The following TENM2 variants were observed in gnomAD, a reference collection of about 807,000 sequenced individuals.
The protein encoded by TENM2 is teneurin-2.
Under a neutral mutation model 245.2 loss-of-function variants are expected in TENM2, and 52 were observed. The observed-to-expected ratio is 0.21, with a 90% confidence interval of 0.17 to 0.27. The LOEUF (loss-of-function observed/expected upper bound fraction) is 0.27. Among genes scored for constraint, TENM2 ranks in the 10% least tolerant of loss-of-function variants. The pLI is 1.00. For synonymous variants in TENM2, 1,363 were observed against 1,438.9 expected, an observed-to-expected ratio of 0.95 and a Z score of 1.19; for missense variants, 3,046 against 3,666.8, an observed-to-expected ratio of 0.83 and a Z score of 4.37.
In TENM2 at chr5:168,010,283, A is replaced by G. The variant is rs375481144; in HGVS notation, c.1186+17101A>G. On this transcript the variant is annotated intron_variant, in intron 5 of 28. Coordinates refer to ENST00000518659, the Ensembl canonical transcript of TENM2. ...CGCTCTGAAAGCCTCTTTAAAATAT[A>G]AAGGAAACCTGCCCTTGGGAATACA... 1.1e-4 allele frequency among the ~76,000 whole-genome samples: 16 copies of G among 152,358 alleles called. No individual in the cohort carries two copies. In the East Asian group the frequency reaches 2.7e-3, roughly 26 times the overall value.
At chr5:167,298,050 C>T (rs1007132309) in intron 1 of TENM2, among the ~76,000 whole-genome samples, 2 of 151,914 alleles carry the variant, frequency 1.3e-5, no homozygotes, top group African/African-American at 4.8e-5. Flanking sequence ...ACATTCCTGT[C>T]TTCTTATATT....
chr5:167,350,100 G>A (rs890772887), intron 1 of TENM2, among the ~76,000 whole-genome samples: 2 of 152,080 alleles, frequency 1.3e-5, no homozygotes, highest in Non-Finnish European at 2.9e-5. Flanking sequence ...GCAAAAGGTG[G>A]AATAGGGCAG....
chr5:167,227,385 G>A, the TENM2 span, among the ~76,000 whole-genome samples: 1 of 152,110 alleles, frequency 6.6e-6, no homozygotes, highest in Admixed American at 6.6e-5. Context: ...TTTCATGATT[G>A]TAAATGTCAT....
chr5:167,954,557 C>T (rs111409432), intron 4 of TENM2, among the ~76,000 whole-genome samples: 1 of 152,086 alleles, frequency 6.6e-6, no homozygotes, highest in Non-Finnish European at 1.5e-5. Context: ...ATGGTGGTTT[C>T]CTGCACCCAT....
the TENM2 span, among the ~76,000 whole-genome samples, chr5:167,205,995 C>G: frequency 5.4e-4 from 82 of 152,298 alleles, no homozygotes; most frequent in Middle Eastern, 3.4e-3. Flanking sequence ...ATTGGGCCTA[C>G]CTGGGAAACG....
At chr5:167,647,760 G>C (rs1456958194) in intron 2 of TENM2, among the ~76,000 whole-genome samples, 1 of 152,176 alleles carries the variant, frequency 6.6e-6, no homozygotes, top group Non-Finnish European at 1.5e-5. Context: ...GGTGCCCCAT[G>C]ATCTGACCCC....
chr5:168,076,300 A>C (rs1791471570), intron 7 of TENM2, among the ~76,000 whole-genome samples: 2 of 149,890 alleles, frequency 1.3e-5, no homozygotes. Flanking sequence ...ATCTCGGCTC[A>C]CTGCAACCTC....
chr5:167,648,890 A>T (rs1780152014), intron 2 of TENM2, among the ~76,000 whole-genome samples: 1 of 152,184 alleles, frequency 6.6e-6, no homozygotes, highest in South Asian at 2.1e-4. Context: ...GAAGCATCTC[A>T]GGCAAATGAG....
chr5:167,587,231 A>G (rs1372543964), intron 2 of TENM2, among the ~76,000 whole-genome samples: 1 of 152,122 alleles, frequency 6.6e-6, no homozygotes, highest in Non-Finnish European at 1.5e-5. Flanking sequence ...TTTAAGGCCC[A>G]ATATATTTCT....
chr5:166,990,736 A>C, the TENM2 span, among the ~76,000 whole-genome samples: 1 of 152,210 alleles, frequency 6.6e-6, no homozygotes, highest in Admixed American at 6.5e-5. Flanking sequence ...CAAATAGGTC[A>C]ACTGTCACAA....
chr5:167,263,694 A>T, the TENM2 span, among the ~76,000 whole-genome samples: 1 of 152,182 alleles, frequency 6.6e-6, no homozygotes, highest in African/African-American at 2.4e-5. Context: ...CATCATAAAC[A>T]CTAGGCAATT....
At chr5:167,506,061 A>G (rs941133546) in intron 2 of TENM2, among the ~76,000 whole-genome samples, 2 of 152,192 alleles carry the variant, frequency 1.3e-5, no homozygotes, top group Non-Finnish European at 2.9e-5. Context: ...AAACATTAGT[A>G]GGAATTAACC....
intron 2 of TENM2, among the ~76,000 whole-genome samples, chr5:167,618,424 A>G (rs1165169335): frequency 1.3e-5 from 2 of 152,066 alleles, no homozygotes; most frequent in African/African-American, 4.8e-5. Context: ...ATTAGAATCA[A>G]ATCCTCTGGG....
chr5:168,196,222 A>G (rs1466368946), intron 15 of TENM2, among the ~76,000 whole-genome samples: 2 of 152,168 alleles, frequency 1.3e-5, no homozygotes, highest in Non-Finnish European at 2.9e-5. Context: ...AGGTAGCCTT[A>G]TAGGCAGTTT....
At chr5:168,052,749 T>A (rs1315479154) in intron 6 of TENM2, among the ~76,000 whole-genome samples, 1 of 152,054 alleles carries the variant, frequency 6.6e-6, no homozygotes. Flanking sequence ...TTTTAAGCCC[T>A]ACCATTCTCG....
intron 2 of TENM2, among the ~76,000 whole-genome samples, chr5:167,679,098 T>A (rs1756530723): frequency 6.6e-6 from 1 of 152,146 alleles, no homozygotes; most frequent in Non-Finnish European, 1.5e-5. Flanking sequence ...GCATGAGTTA[T>A]GAGGTAGCTG....
At chr5:167,378,560 G>C (rs1350234817) in intron 2 of TENM2, among the ~76,000 whole-genome samples, 1 of 152,012 alleles carries the variant, frequency 6.6e-6, no homozygotes, top group Non-Finnish European at 1.5e-5. Flanking sequence ...GATTTGGCTA[G>C]AAATGGCAAT....
chr5:167,204,223 G>A, the TENM2 span, among the ~76,000 whole-genome samples: 3 of 151,972 alleles, frequency 2.0e-5, no homozygotes, highest in Non-Finnish European at 2.9e-5. Flanking sequence ...GAAACTAAGG[G>A]TTAGGGGGAG....
intron 5 of TENM2, among the ~76,000 whole-genome samples, chr5:168,022,800 G>A (rs957392796): frequency 2.6e-5 from 4 of 152,154 alleles, no homozygotes; most frequent in African/African-American, 4.8e-5. Flanking sequence ...CTTTAGAATC[G>A]TTCCTGATTG....
Sources: allele counts gnomAD v4.1 joint callset (sites outside exome capture counted in the v4.1 genomes callset), GRCh38; gene constraint gnomAD v4.1.1; transcripts MANE v1.5; gene names NCBI Gene and HGNC (gene_info 2026-07-23, HGNC 2026-07-21).